The following OTOGL variants were observed in gnomAD, a reference collection of about 807,000 sequenced individuals.
OTOGL encodes otogelin-like protein.
In OTOGL, 285 loss-of-function variants were observed where a neutral mutation model predicts 318.5. The ratio of observed to expected loss-of-function variants is 0.89; its 90% confidence interval spans 0.81 to 0.99. OTOGL has a LOEUF of 0.99. Ranked by LOEUF, OTOGL falls within the 50% of genes least tolerant of loss-of-function variation. The pLI, the probability that OTOGL is intolerant of heterozygous loss-of-function variation, is 0.00. For synonymous variants in OTOGL, 987 were observed against 936.5 expected (o/e 1.05, Z -0.99); for missense variants, 2,899 against 2,845.6 (o/e 1.02, Z -0.43).
Position 80,290,176 on chromosome 12 carries a change from AG to A in OTOGL, c.2929-6649del, listed in dbSNP as rs1033944779. Among the ~76,000 whole-genome samples the A allele has an allele frequency of 7.2e-5, 11 of 152,234 alleles. No homozygotes were observed. The East Asian group carries it at 2.1e-3, about 29-fold the overall frequency. On this transcript the variant is annotated intron_variant, in intron 26 of 58. Transcript: ENST00000547103. The stretch of plus-strand genomic sequence containing the variant: ...CCTGGCCCCTTGCACTTCGTGGGTG[AG>A]GTGACACCCCGCCCTGCTTCTGCTC...
chr12:80,137,443 C>T (rs1871650381), intron 1 of OTOGL, among the ~76,000 whole-genome samples: 1 of 152,044 alleles, frequency 6.6e-6, no homozygotes, highest in South Asian at 2.1e-4. Context: ...GATGAACTTG[C>T]TGAGAAATGG....
chr12:80,377,001 A>C (rs1220481367), intron 57 of OTOGL, 122 bp from the exon 58 acceptor site: 10 of 564,538 alleles, frequency 1.8e-5, no homozygotes, highest in Non-Finnish European at 2.9e-5. Flanking sequence ...AATATCTTTC[A>C]ATACTGGAAT....
chr12:80,268,456 A>G (rs1171687244), intron 22 of OTOGL, among the ~76,000 whole-genome samples: 1 of 152,104 alleles, frequency 6.6e-6, no homozygotes, highest in Admixed American at 6.6e-5. Flanking sequence ...TCTCCTGCCT[A>G]CTTTGCTCTG....
chr12:80,237,359 G>T (rs1185900193), intron 9 of OTOGL, among the ~76,000 whole-genome samples: 4 of 152,116 alleles, frequency 2.6e-5, no homozygotes, highest in Non-Finnish European at 4.4e-5. Context: ...AAAGAAAAAG[G>T]TAGAGAAAGA....
chr12:80,311,205 T>A (rs1339194422), intron 30 of OTOGL, among the ~76,000 whole-genome samples: 1 of 152,190 alleles, frequency 6.6e-6, no homozygotes, highest in Non-Finnish European at 1.5e-5. Context: ...TAGGTCCCAA[T>A]AGAAGTTTAA....
chr12:80,324,222 G>C (rs1887536558), intron 35 of OTOGL, among the ~76,000 whole-genome samples: 1 of 152,200 alleles, frequency 6.6e-6, no homozygotes, highest in Admixed American at 6.5e-5. Context: ...ATGTGTGTGT[G>C]TTTGCCAATT....
chr12:80,239,916 A>C (rs115109358), intron 11 of OTOGL, among the ~76,000 whole-genome samples: 1 of 152,042 alleles, frequency 6.6e-6, no homozygotes, highest in South Asian at 2.1e-4. Context: ...GTAACCACCA[A>C]TCTACACTCT....
At chr12:80,224,207 T>A (rs1051121305) in intron 7 of OTOGL, among the ~76,000 whole-genome samples, 7 of 152,180 alleles carry the variant, frequency 4.6e-5, no homozygotes, top group African/African-American at 1.7e-4. Context: ...CTTTATGTTT[T>A]TGTTTACTTT....
chr12:80,174,234 C>T (rs1874386237), intron 1 of OTOGL, among the ~76,000 whole-genome samples: 1 of 152,238 alleles, frequency 6.6e-6, no homozygotes, highest in East Asian at 1.9e-4. Flanking sequence ...CAGAGATTCA[C>T]TGGTTGATTC....
At chr12:80,145,213 C>T (rs1207121141) in intron 1 of OTOGL, among the ~76,000 whole-genome samples, 1 of 150,568 alleles carries the variant, frequency 6.6e-6, no homozygotes, top group Non-Finnish European at 1.5e-5. Flanking sequence ...GTCTTTAATC[C>T]ATCTTGAATT....
chr12:80,249,990 C>T (rs868600388), intron 11 of OTOGL, among the ~76,000 whole-genome samples: 1 of 152,086 alleles, frequency 6.6e-6, no homozygotes, highest in African/African-American at 2.4e-5. Flanking sequence ...CCTTGCGCTT[C>T]CCAGGTGAGG....
chr12:80,321,760 A>G (rs1190022773), intron 34 of OTOGL, among the ~76,000 whole-genome samples: 1 of 152,152 alleles, frequency 6.6e-6, no homozygotes, highest in Non-Finnish European at 1.5e-5. Context: ...TACCATTTGC[A>G]TTCTTAGGTG....
chr12:80,308,977 C>G (rs1366899537), intron 29 of OTOGL, among the ~76,000 whole-genome samples: 2 of 97,094 alleles, frequency 2.1e-5, no homozygotes, highest in Non-Finnish European at 4.5e-5. Flanking sequence ...GAGAGGGAGA[C>G]CGTGGGGAGA....
intron 1 of OTOGL, among the ~76,000 whole-genome samples, chr12:80,141,330 C>T (rs1871929277): frequency 6.6e-6 from 1 of 151,968 alleles, no homozygotes; most frequent in Admixed American, 6.6e-5. Context: ...TTTTTCTCTC[C>T]TAATTGAAAG....
chr12:80,268,901 CAA>C (rs5799460), intron 22 of OTOGL, among the ~76,000 whole-genome samples: 16 of 77,810 alleles, frequency 2.1e-4, no homozygotes, highest in Admixed American at 2.6e-4. Flanking sequence ...GTAAACTTAG[CAA>C]AAAAAAAAAA....
At chr12:80,249,293 G>A (rs1188414780) in intron 11 of OTOGL, among the ~76,000 whole-genome samples, 2 of 151,354 alleles carry the variant, frequency 1.3e-5, no homozygotes, top group Non-Finnish European at 2.9e-5. Flanking sequence ...CATCTTTGTG[G>A]TTTTATCTAC....
intron 1 of OTOGL, among the ~76,000 whole-genome samples, chr12:80,164,047 G>C (rs1873689738): frequency 6.6e-6 from 1 of 152,090 alleles, no homozygotes; most frequent in African/African-American, 2.4e-5. Flanking sequence ...TAAGATGTGT[G>C]CTTTTCCCCT....
At chr12:80,143,398 C>T (rs543937347) in intron 1 of OTOGL, among the ~76,000 whole-genome samples, 33 of 152,200 alleles carry the variant, frequency 2.2e-4, no homozygotes, top group African/African-American at 7.7e-4. Context: ...AAATCACAGC[C>T]TAAATGTCAC....
intron 19 of OTOGL, among the ~76,000 whole-genome samples, chr12:80,262,837 A>G (rs1213266057): frequency 1.3e-5 from 2 of 152,184 alleles, no homozygotes; most frequent in South Asian, 4.1e-4. Flanking sequence ...ATTAATGTAC[A>G]TGCTTAAATA....
Sources: gnomAD v4.1 joint callset for allele counts (sites outside exome capture counted in the v4.1 genomes callset) on GRCh38, gnomAD v4.1.1 for gene constraint, MANE v1.5 for transcripts, NCBI Gene and HGNC (gene_info 2026-07-23, HGNC 2026-07-21) for gene names.